IL6ST: variants seen among roughly 807,000 people sequenced by gnomAD.
The protein encoded by IL6ST is interleukin 6 cytokine family signal transducer, also known as interleukin-6 receptor subunit beta.
Under a neutral mutation model 91.3 loss-of-function variants are expected in IL6ST, and 24 were observed. The ratio of observed to expected loss-of-function variants is 0.26; its 90% CI spans 0.19 to 0.37. The LOEUF is 0.37. IL6ST is among the 10% of genes least tolerant of loss of function. The probability of loss-of-function intolerance (pLI) is 1.00; values close to 1 mark genes in which losing one functional copy is unlikely to be tolerated. For missense variants in IL6ST, 914 were observed against 1,078.5 expected (o/e 0.85, Z 2.14); for synonymous variants, 351 against 373.6 (o/e 0.94, Z 0.70).
intron 5 of IL6ST, among the ~76,000 whole-genome samples, chr5:55,967,454 A>G (rs11742271): frequency 0.12 from 18,508 of 152,058 alleles, 1,211 homozygotes; most frequent in Middle Eastern, 0.15. Flanking sequence ...ATAAATTCAC[A>G]AAGTATGGAG....
rs2111571237 is a variant in IL6ST at position 55,940,343 on chromosome 5, T to G, written c.*739A>C. 1 of 209,450 alleles carries G rather than the reference T, an allele frequency of 4.8e-6. No homozygotes were observed. The highest frequency in any genetic ancestry group is 1.9e-4 in the South Asian group (1 of 5,306). The allele number at this position is 209,450 out of a possible 1,614,324, so 13.0% of individuals were successfully genotyped here. A position where few individuals can be genotyped will look rare whatever the true frequency, so the allele number is the denominator to read the frequency against. On this transcript the variant is annotated 3_prime_UTR_variant, in exon 17 of 17. Transcript: ENST00000381298. Reference sequence around the variant, plus strand: ...CTCTTATCATGGCACTCTGTTGAGTTTGTGAAATGCATCTTCAAAGAGGTT... The same window carrying G: ...CTCTTATCATGGCACTCTGTTGAGTGTGTGAAATGCATCTTCAAAGAGGTT...
intron 15 of IL6ST, among the ~76,000 whole-genome samples, chr5:55,945,676 T>TTTC (rs1554023164): frequency 1.5e-5 from 2 of 133,948 alleles, no homozygotes; most frequent in African/African-American, 3.2e-5. Flanking sequence ...TTTTTTTTTT[T>TTTC]CAGACACTCT....
chr5:55,955,128 T>C lies in IL6ST; in HGVS notation c.1268-136A>G, dbSNP rs1034391338. ...TTCCTTGCCTAAAAGCACTTTATTA[T>C]AACTTACAGGTAAAGTAGTCAATTT... On this transcript the variant is annotated intron_variant, in intron 10 of 16. Coordinates refer to ENST00000381298, the MANE Select transcript of IL6ST (RefSeq NM_002184.4). The C allele has an allele frequency of 1.1e-5, 7 of 637,002 alleles. No individual in the cohort carries two copies. In the African/African-American group the frequency reaches 1.3e-4, roughly 12 times the overall value. 39.5% of individuals were successfully genotyped at this position (637,002 alleles called of 1,614,324 possible). A position where few individuals can be genotyped will look rare whatever the true frequency, so the allele number is the denominator to read the frequency against.
chr5:55,977,743 T>C (rs571720523), intron 2 of IL6ST, among the ~76,000 whole-genome samples: 8 of 152,156 alleles, frequency 5.3e-5, no homozygotes, highest in African/African-American at 1.7e-4. Flanking sequence ...GGAGAACTGT[T>C]TGAACCCGTG....
intron 2 of IL6ST, among the ~76,000 whole-genome samples, chr5:55,982,354 A>G (rs1258383699): frequency 6.6e-6 from 1 of 152,324 alleles, no homozygotes; most frequent in East Asian, 1.9e-4. Flanking sequence ...ATTGCCAAAT[A>G]GAAGGCAAAA....
At chr5:55,969,919 G>T in intron 3 of IL6ST, 64 bp from the exon 4 acceptor site, 1 of 1,075,234 alleles carries the variant, frequency 9.3e-7, no homozygotes, top group Non-Finnish European at 1.4e-6. Context: ...ATGATATCTA[G>T]CTGGTAGCAC....
intron 1 of IL6ST, among the ~76,000 whole-genome samples, chr5:55,990,417 T>G (rs1754249869): frequency 6.6e-6 from 1 of 152,264 alleles, no homozygotes; most frequent in African/African-American, 2.4e-5. Context: ...AACCAGATAA[T>G]GTAGTTGAAT....
chr5:55,972,880 C>T lies in IL6ST; in HGVS notation c.65-3025G>A, dbSNP rs866451146. On this transcript the variant is annotated intron_variant, in intron 3 of 16. Coordinates refer to ENST00000381298, the MANE Select transcript of IL6ST (RefSeq NM_002184.4). Reference sequence around the variant, plus strand: ...ATTACCCGGGCGTGGTGACCTGCACCTGTAATTCCAGCTACTCAGGAGGCT... The same window carrying T: ...ATTACCCGGGCGTGGTGACCTGCACTTGTAATTCCAGCTACTCAGGAGGCT... Among the ~76,000 whole-genome samples, 5 of 152,048 alleles carry T rather than the reference C, an allele frequency of 3.3e-5. No homozygotes were observed. The East Asian group carries it at 5.8e-4, about 18-fold the overall frequency.
intron 7 of IL6ST, among the ~76,000 whole-genome samples, chr5:55,962,019 C>T (rs1447779221): frequency 5.3e-5 from 8 of 152,134 alleles, no homozygotes; most frequent in Non-Finnish European, 1.2e-4. Flanking sequence ...GTTTTCCTGG[C>T]TTTTAAACTT....
intron 15 of IL6ST, among the ~76,000 whole-genome samples, chr5:55,946,075 T>C (rs1339281552): frequency 6.6e-6 from 1 of 152,104 alleles, no homozygotes; most frequent in Non-Finnish European, 1.5e-5. Context: ...AATAACCCAA[T>C]TTGAAAATGG....
intron 11 of IL6ST, among the ~76,000 whole-genome samples, chr5:55,952,662 T>C (rs1207249273): frequency 6.6e-6 from 1 of 152,172 alleles, no homozygotes; most frequent in Non-Finnish European, 1.5e-5. Flanking sequence ...TTTGTATGTC[T>C]TACCTACAAG....
intron 1 of IL6ST, among the ~76,000 whole-genome samples, chr5:55,983,954 C>G (rs1278234268): frequency 1.3e-5 from 2 of 151,960 alleles, no homozygotes; most frequent in Non-Finnish European, 2.9e-5. Flanking sequence ...TCAAATTCAC[C>G]TCCTCATAGA....
rs917488658 is a variant in IL6ST at position 55,940,307 on chromosome 5, G to A, written c.*775C>T. 9.4e-6 allele frequency: 2 copies of A among 211,952 alleles called. No individual in the cohort carries two copies. The highest frequency in any genetic ancestry group is 1.9e-5 in the Non-Finnish European group (2 of 104,644). 13.1% of individuals were successfully genotyped at this position (211,952 alleles called of 1,614,324 possible). On this transcript the variant is annotated 3_prime_UTR_variant, in exon 17 of 17. Transcript: ENST00000381298. ...TTTTTAGATGCTTGAGATAGTTTGG[G>A]GGATCCCTAGCTCTTATCATGGCAC...
At chr5:55,960,760 G>A (rs867772548) in intron 7 of IL6ST, among the ~76,000 whole-genome samples, 199 bp from the exon 8 acceptor site, 1 of 147,364 alleles carries the variant, frequency 6.8e-6, no homozygotes, top group Non-Finnish European at 1.5e-5. Flanking sequence ...CTCCTGAGTG[G>A]CTGGGATTAC....
At chr5:55,981,249 G>A (rs1753652512) in intron 2 of IL6ST, among the ~76,000 whole-genome samples, 1 of 152,052 alleles carries the variant, frequency 6.6e-6, no homozygotes. Context: ...TCTATTATGG[G>A]ACTTGATTTC....
At chr5:55,948,992 G>C (rs1250916985) in intron 14 of IL6ST, 1 of 151,706 alleles carries the variant, frequency 6.6e-6, no homozygotes, top group African/African-American at 2.4e-5. Flanking sequence ...ACTACAGATA[G>C]AGAATTGAAA....
rs1381682599 is a variant in IL6ST at position 55,952,253 on chromosome 5, C to G, written c.1549G>C (p.Ala517Pro). 7 of 1,603,040 alleles carry G rather than the reference C, an allele frequency of 4.4e-6. No homozygotes were observed. The highest frequency in any genetic ancestry group is 4.0e-5 in the African/African-American group (3 of 74,574). The change falls in exon 12 of 17, where the codon GCT becomes CCT. Residue 517 changes from alanine (A) to proline (P), a missense_variant. By Grantham distance (27) the Ala-to-Pro change is conservative. Transcript: ENST00000381298. Reference sequence around the variant, plus strand: ...AAAGAAGTGAGTTTGGACTTACGAGCTTGTTTAAGGTATGCCTTTATGGAT... The same window carrying G: ...AAAGAAGTGAGTTTGGACTTACGAGGTTGTTTAAGGTATGCCTTTATGGAT... ...PESIKAYLKQ[A>P]PPSKGPTVRT...
At chr5:55,962,207 A>C (rs1239514720) in intron 7 of IL6ST, among the ~76,000 whole-genome samples, 2 of 152,214 alleles carry the variant, frequency 1.3e-5, no homozygotes, top group African/African-American at 4.8e-5. Flanking sequence ...TACAACATGA[A>C]GCATTAATCC....
intron 14 of IL6ST, among the ~76,000 whole-genome samples, chr5:55,950,575 A>G (rs1017194289): frequency 6.6e-6 from 1 of 151,014 alleles, no homozygotes; most frequent in African/African-American, 2.4e-5. Flanking sequence ...AAAAAGGAGA[A>G]GAAGAAGAAA....
Sources: gnomAD v4.1 joint callset for allele counts (sites outside exome capture counted in the v4.1 genomes callset) on GRCh38, gnomAD v4.1.1 for gene constraint, MANE v1.5 for transcripts, NCBI Gene and HGNC (gene_info 2026-07-23, HGNC 2026-07-21) for gene names.